Variants in MTA3 observed in about 807,000 individuals in gnomAD.
The protein encoded by MTA3 is metastasis-associated protein MTA3.
Under a neutral mutation model 83.5 loss-of-function variants are expected in MTA3, and 34 were observed. The observed-to-expected ratio is 0.41, with a 90% confidence interval of 0.31 to 0.54. The LOEUF is 0.54. Ranked by LOEUF, MTA3 falls within the 20% of genes least tolerant of loss-of-function variation. MTA3 has a pLI of 0.33. For missense variants in MTA3, 761 were observed against 726.4 expected, an observed-to-expected ratio of 1.05 and a Z score of -0.55; for synonymous variants, 303 against 252.7, an observed-to-expected ratio of 1.20 and a Z score of -1.89.
intron 3 of MTA3, among the ~76,000 whole-genome samples, chr2:42,591,189 A>T (rs2103937480): frequency 6.6e-6 from 1 of 152,292 alleles, no homozygotes; most frequent in South Asian, 2.1e-4. Flanking sequence ...TACACATGTT[A>T]TTGTATTGAA....
At chr2:42,743,371 C>T (rs148337752) in intron 16 of MTA3, among the ~76,000 whole-genome samples, 7 of 152,262 alleles carry the variant, frequency 4.6e-5, no homozygotes, top group African/African-American at 1.7e-4. Flanking sequence ...TGCTCTTAAC[C>T]TTTTTCCAAA....
At chr2:42,558,263 T>A (rs1188772865) in intron 2 of MTA3, among the ~76,000 whole-genome samples, 2 of 149,588 alleles carry the variant, frequency 1.3e-5, no homozygotes, top group African/African-American at 4.9e-5. Context: ...TTTTTTGAGT[T>A]GGAGTTTCGC....
rs116257780 is a variant in MTA3, at chr2:42,719,604, C to T, written c.1612+530C>T. Among the ~76,000 whole-genome samples the T allele has an allele frequency of 1.8e-3, 276 of 152,228 alleles. 1 individual carries two copies. Among genetic ancestry groups the T allele is most frequent in the African/African-American group, 6.3e-3 (262 of 41,540 alleles). On this transcript the variant is annotated intron_variant, in intron 15 of 16. Coordinates refer to ENST00000405094, the MANE Select transcript of MTA3 (RefSeq NM_001330442.2). The stretch of plus-strand genomic sequence containing the variant: ...GCCCAGGCTGGTCTCAAACTCCTGG[C>T]CTCAAGCGATCTTCCTGCCTTGACT...
At chr2:42,557,434 T>A (rs1029707754) in intron 2 of MTA3, among the ~76,000 whole-genome samples, 1 of 152,162 alleles carries the variant, frequency 6.6e-6, no homozygotes, top group South Asian at 2.1e-4. Flanking sequence ...AAGGAACCAA[T>A]GACAGGTTTT....
chr2:42,697,681 C>G (rs1206224735), intron 10 of MTA3, 95 bp from the exon 11 acceptor site: 3 of 839,842 alleles, frequency 3.6e-6, no homozygotes, highest in East Asian at 2.9e-5. Context: ...TTGAATTACA[C>G]TTTAATACGT....
At chr2:42,662,427 G>C (rs1286710906) in intron 8 of MTA3, among the ~76,000 whole-genome samples, 1 of 151,410 alleles carries the variant, frequency 6.6e-6, no homozygotes, top group Non-Finnish European at 1.5e-5. Context: ...GTTTAATTTT[G>C]TGAATAGAGT....
intron 5 of MTA3, among the ~76,000 whole-genome samples, chr2:42,640,787 T>G (rs1687626269): frequency 6.6e-6 from 1 of 152,222 alleles, no homozygotes; most frequent in South Asian, 2.1e-4. Flanking sequence ...ATGCATAGTT[T>G]TAGGTGACAT....
At chr2:42,650,389 A>G (rs1278394732) in intron 6 of MTA3, among the ~76,000 whole-genome samples, 2 of 152,092 alleles carry the variant, frequency 1.3e-5, no homozygotes, top group East Asian at 1.9e-4. Flanking sequence ...AAATGATTAT[A>G]TGGTCTGGTC....
intron 2 of MTA3, among the ~76,000 whole-genome samples, chr2:42,515,759 C>T (rs1215563406): frequency 2.0e-5 from 3 of 152,022 alleles, no homozygotes; most frequent in Non-Finnish European, 4.4e-5. Flanking sequence ...CCTCGGCCTC[C>T]CAAAGTGCTG....
At chr2:42,635,772 G>GA (rs1553370048) in intron 4 of MTA3, among the ~76,000 whole-genome samples, 1 of 150,858 alleles carries the variant, frequency 6.6e-6, no homozygotes, top group East Asian at 1.9e-4. Context: ...GAATTTTTCT[G>GA]TTTTTTTTTC....
At chr2:42,605,212 G>T (rs1490973414) in intron 3 of MTA3, among the ~76,000 whole-genome samples, 2 of 137,900 alleles carry the variant, frequency 1.5e-5, no homozygotes, top group South Asian at 2.4e-4. Flanking sequence ...CGGGCGGGGG[G>T]GCTGACCCCC....
At chr2:42,513,518 T>C (rs1674993874) in intron 2 of MTA3, among the ~76,000 whole-genome samples, 1 of 152,184 alleles carries the variant, frequency 6.6e-6, no homozygotes, top group Non-Finnish European at 1.5e-5. Flanking sequence ...TAAAGCCTCC[T>C]GGCCAATAGT....
chr2:42,685,210 G>A (rs1692256528), intron 9 of MTA3, among the ~76,000 whole-genome samples: 1 of 152,182 alleles, frequency 6.6e-6, no homozygotes, highest in South Asian at 2.1e-4. Flanking sequence ...GAGTATAACA[G>A]TAATAATACT....
At chr2:42,517,338 G>C (rs113942241) in intron 2 of MTA3, among the ~76,000 whole-genome samples, 42 of 151,976 alleles carry the variant, frequency 2.8e-4, no homozygotes, top group African/African-American at 8.2e-4. Context: ...TTGGGAGGCC[G>C]AGGCAGGTGC....
rs1292705801 is a variant in MTA3 at position 42,609,482 on chromosome 2, C to G, written c.215C>G (p.Thr72Arg). Residue 72 changes from threonine (T) to arginine (R), a missense_variant, in exon 4 of 17, where the codon ACA (threonine) becomes AGA (arginine). Transcript: ENST00000405094. ...HAKEIEEESE[T>R]TVEADLTDKQ... ...GAAGAAATTGAGGAAGAATCTGAAACAACAGTTGAGGCTGACTTGACCGAT... is the reference window on the plus strand; with the variant it reads ...GAAGAAATTGAGGAAGAATCTGAAAGAACAGTTGAGGCTGACTTGACCGAT... 1 of 1,613,614 alleles carries G rather than the reference C, an allele frequency of 6.2e-7. No homozygotes were observed. Among genetic ancestry groups the G allele is most frequent in the Non-Finnish European group, 8.5e-7 (1 of 1,179,752 alleles).
intron 2 of MTA3, among the ~76,000 whole-genome samples, chr2:42,521,396 G>A (rs1402989669): frequency 6.6e-6 from 1 of 152,156 alleles, no homozygotes; most frequent in African/African-American, 2.4e-5. Context: ...CCTGAGCCAG[G>A]GGCAAACAGC....
At chr2:42,545,097 A>G (rs13027757) in intron 2 of MTA3, among the ~76,000 whole-genome samples, 54,624 of 152,016 alleles carry the variant, frequency 0.36, 9,906 homozygotes, top group South Asian at 0.41. Flanking sequence ...TTGAATCCCA[A>G]CCAGGCGTGG....
chr2:42,710,536 C>T (rs1251600595), intron 14 of MTA3, among the ~76,000 whole-genome samples: 4 of 110,478 alleles, frequency 3.6e-5, no homozygotes, highest in Admixed American at 1.3e-4. Context: ...GGGCAATGAG[C>T]GAAACTTCAT....
Position 42,755,739 on chromosome 2 carries a change from G to A in MTA3, c.*2340G>A. The A allele has an allele frequency of 1.0e-6, 1 of 985,670 alleles. No individual in the cohort carries two copies. Among genetic ancestry groups the A allele is most frequent in the Non-Finnish European group, 1.2e-6 (1 of 830,114 alleles). The allele number at this position is 985,670 out of a possible 1,614,324, so 61.1% of individuals were successfully genotyped here. A position where few individuals can be genotyped will look rare whatever the true frequency, so the allele number is the denominator to read the frequency against. On this transcript the variant is annotated 3_prime_UTR_variant, in exon 17 of 17. Coordinates refer to ENST00000405094, the MANE Select transcript of MTA3 (RefSeq NM_001330442.2). ...CACCCGCTCCCTTTCTGGGGCCATGGTGTCCCTGCTGTGTGTCAGTGGCAT... is the reference window on the plus strand; with the variant it reads ...CACCCGCTCCCTTTCTGGGGCCATGATGTCCCTGCTGTGTGTCAGTGGCAT...
Sources: allele counts gnomAD v4.1 joint callset (sites outside exome capture counted in the v4.1 genomes callset), GRCh38; gene constraint gnomAD v4.1.1; transcripts MANE v1.5; gene names NCBI Gene and HGNC (gene_info 2026-07-23, HGNC 2026-07-21).